ABCC1: variants seen among roughly 807,000 people sequenced by gnomAD.
The protein encoded by ABCC1 is multidrug resistance-associated protein 1.
ABCC1 carries 83 observed loss-of-function variants against 172.9 expected under a neutral mutation model. The observed-to-expected ratio is 0.48, with a 90% CI of 0.40 to 0.58. The LOEUF (loss-of-function observed/expected upper bound fraction) is 0.58, where lower values mean the gene tolerates loss of function less well. Among genes scored for constraint, ABCC1 ranks in the 20% least tolerant of loss-of-function variants. The probability of loss-of-function intolerance (pLI) is 0.00; values close to 1 mark genes in which losing one functional copy is unlikely to be tolerated. For synonymous variants in ABCC1, 937 were observed against 825.2 expected, an observed-to-expected ratio of 1.14 and a Z score of -2.32; for missense variants, 1,817 against 2,002.7, an observed-to-expected ratio of 0.91 and a Z score of 1.77.
Position 15,952,716 on chromosome 16 carries a change from TAAAAA to T in ABCC1, c.48+2941_48+2945del, listed in dbSNP as rs57105111. Among the ~76,000 whole-genome samples, 150 of 40,286 alleles carry T rather than the reference TAAAAA, an allele frequency of 3.7e-3. 1 individual carries two copies. Among genetic ancestry groups the T allele is most frequent in the Admixed American group, 6.8e-3 (18 of 2,662 alleles). 26.4% of individuals were successfully genotyped at this position (40,286 alleles called of 152,430 possible). On this transcript the variant is annotated intron_variant, in intron 1 of 30. Transcript: ENST00000399410. ...GGCCTGGGACTTTTTGTGAGTTCATTAAAAAAAAAAAAAAAAAAAAAAAAAAAAGC... is the reference window on the plus strand; with the variant it reads ...GGCCTGGGACTTTTTGTGAGTTCATTAAAAAAAAAAAAAAAAAAAAAAAGC...
intron 21 of ABCC1, among the ~76,000 whole-genome samples, chr16:16,109,830 A>G (rs2152081011): frequency 6.6e-6 from 1 of 152,324 alleles, no homozygotes; most frequent in South Asian, 2.1e-4. Flanking sequence ...TTGCCAGGCA[A>G]CATGTCACAC....
chr16:16,036,299 A>G (rs2048753746), intron 6 of ABCC1, among the ~76,000 whole-genome samples, 173 bp from the exon 7 acceptor site: 1 of 151,922 alleles, frequency 6.6e-6, no homozygotes, highest in Non-Finnish European at 1.5e-5. Flanking sequence ...AATATATGCA[A>G]ATGTCCATCT....
chr16:16,103,713 A>G (rs2051895892), intron 20 of ABCC1, among the ~76,000 whole-genome samples: 1 of 152,238 alleles, frequency 6.6e-6, no homozygotes, highest in African/African-American at 2.4e-5. Flanking sequence ...CAGTTGCTAC[A>G]GGGGTCAGGA....
chr16:16,136,007 T>G (rs1390136506), intron 28 of ABCC1, among the ~76,000 whole-genome samples: 2 of 90,876 alleles, frequency 2.2e-5, no homozygotes, highest in Admixed American at 2.7e-4. Context: ...ACTCAGACTT[T>G]CCAGACTTTT....
At chr16:16,061,571 C>T (rs2049913775) in intron 12 of ABCC1, among the ~76,000 whole-genome samples, 1 of 152,190 alleles carries the variant, frequency 6.6e-6, no homozygotes, top group South Asian at 2.1e-4. Flanking sequence ...CCAAGCCCTT[C>T]CTCCTAACAC....
At chr16:16,125,228 T>C (rs1490813998) in intron 25 of ABCC1, among the ~76,000 whole-genome samples, 1 of 152,182 alleles carries the variant, frequency 6.6e-6, no homozygotes, top group Non-Finnish European at 1.5e-5. Context: ...ATCTCACAAA[T>C]GATGATACAT....
intron 5 of ABCC1, among the ~76,000 whole-genome samples, chr16:16,017,544 A>G (rs1359421890): frequency 1.3e-5 from 2 of 151,988 alleles, no homozygotes; most frequent in Non-Finnish European, 2.9e-5. Flanking sequence ...TCCATTAGCT[A>G]TTCCTCCTGA....
At chr16:16,052,183 G>A (rs1278380265) in intron 10 of ABCC1, among the ~76,000 whole-genome samples, 1 of 152,014 alleles carries the variant, frequency 6.6e-6, no homozygotes, top group Non-Finnish European at 1.5e-5. Context: ...GAGTAACATA[G>A]TGAGACCTTG....
chr16:15,999,219 A>C (rs1567297938), intron 1 of ABCC1, among the ~76,000 whole-genome samples: 1 of 151,924 alleles, frequency 6.6e-6, no homozygotes, highest in Non-Finnish European at 1.5e-5. Context: ...GTTAGCCAGG[A>C]TGGTCTCCAT....
At chr16:16,100,173 A>G (rs1042689501) in intron 19 of ABCC1, among the ~76,000 whole-genome samples, 2 of 152,148 alleles carry the variant, frequency 1.3e-5, no homozygotes, top group African/African-American at 2.4e-5. Context: ...TCCTCCGTGC[A>G]GAGTGGAATT....
intron 5 of ABCC1, among the ~76,000 whole-genome samples, chr16:16,022,555 G>T (rs2048230126): frequency 6.6e-6 from 1 of 152,126 alleles, no homozygotes; most frequent in Non-Finnish European, 1.5e-5. Flanking sequence ...TCCCCCGGAA[G>T]CTTGCTAGAA....
intron 1 of ABCC1, among the ~76,000 whole-genome samples, chr16:15,966,276 G>T (rs1466208599): frequency 6.6e-6 from 1 of 152,070 alleles, no homozygotes; most frequent in Non-Finnish European, 1.5e-5. Flanking sequence ...AGCTGGCGTG[G>T]TGGCAGGCAC....
intron 22 of ABCC1, among the ~76,000 whole-genome samples, chr16:16,111,860 T>G (rs906437039): frequency 3.3e-5 from 5 of 152,284 alleles, no homozygotes; most frequent in African/African-American, 1.2e-4. Context: ...CTGGAAGCAC[T>G]GAGGGTTGGG....
At chr16:16,087,849 A>G (rs1418214834) in intron 18 of ABCC1, among the ~76,000 whole-genome samples, 1 of 152,166 alleles carries the variant, frequency 6.6e-6, no homozygotes, top group African/African-American at 2.4e-5. Flanking sequence ...AGTTACACAC[A>G]TTCCACTGGT....
At chr16:16,010,078 CT>C (rs974346714) in intron 3 of ABCC1, among the ~76,000 whole-genome samples, 177 bp downstream of exon 3, 1 of 102,326 alleles carries the variant, frequency 9.8e-6, no homozygotes, top group African/African-American at 4.1e-5. Context: ...TGAGATCTCG[CT>C]TTCATCCAGG....
At chr16:16,116,405 T>TC (rs2044868706) in intron 23 of ABCC1, among the ~76,000 whole-genome samples, 1 of 152,284 alleles carries the variant, frequency 6.6e-6, no homozygotes, top group Non-Finnish European at 1.5e-5. Flanking sequence ...TAGTATTGAA[T>TC]CCTACATATC....
At chr16:16,053,054 T>C (rs774633031) in intron 11 of ABCC1, among the ~76,000 whole-genome samples, 1 of 152,268 alleles carries the variant, frequency 6.6e-6, no homozygotes, top group Non-Finnish European at 1.5e-5. Context: ...CAGGTCATTA[T>C]ATTGGGCAGC....
At chr16:16,060,737 G>T (rs2049874078) in intron 12 of ABCC1, among the ~76,000 whole-genome samples, 1 of 152,022 alleles carries the variant, frequency 6.6e-6, no homozygotes, top group Non-Finnish European at 1.5e-5. Flanking sequence ...CGCCAGGCTG[G>T]TCTCGAACTC....
At chr16:16,029,640 A>C (rs2048494892) in intron 5 of ABCC1, among the ~76,000 whole-genome samples, 1 of 152,252 alleles carries the variant, frequency 6.6e-6, no homozygotes, top group Non-Finnish European at 1.5e-5. Flanking sequence ...GCTCACAAAA[A>C]GTTGCAAAAA....
Sources: allele counts gnomAD v4.1 joint callset (sites outside exome capture counted in the v4.1 genomes callset), GRCh38; gene constraint gnomAD v4.1.1; transcripts MANE v1.5; gene names NCBI Gene and HGNC (gene_info 2026-07-23, HGNC 2026-07-21).